Variants in EZH2 observed in about 807,000 individuals in gnomAD.
The protein encoded by EZH2 is histone-lysine N-methyltransferase EZH2.
Under a neutral mutation model 98.4 loss-of-function variants are expected in EZH2, and 18 were observed. The ratio of observed to expected loss-of-function variants is 0.18; its 90% confidence interval spans 0.13 to 0.27. The LOEUF (loss-of-function observed/expected upper bound fraction) is 0.27. Among genes scored for constraint, EZH2 ranks in the 10% least tolerant of loss-of-function variants. The pLI, the probability that EZH2 is intolerant of heterozygous loss-of-function variation, is 1.00. For synonymous variants in EZH2, 338 were observed against 312.3 expected, an observed-to-expected ratio of 1.08 and a Z score of -0.87; for missense variants, 470 against 935.1, an observed-to-expected ratio of 0.50 and a Z score of 6.49.
At chr7:148,811,752 AAAG>A in intron 15 of EZH2, 32 bp from the exon 16 acceptor site, 1 of 1,577,124 alleles carries the variant, frequency 6.3e-7, no homozygotes, top group African/African-American at 1.3e-5. Flanking sequence ...CATCATCAAA[AAAG>A]GAGGGTGAAA....
chr7:148,849,540 A>G (rs1815125813), intron 1 of EZH2, among the ~76,000 whole-genome samples: 1 of 152,218 alleles, frequency 6.6e-6, no homozygotes, highest in African/African-American at 2.4e-5. Flanking sequence ...TCCAAGTGAA[A>G]AGTTTCCAAG....
chr7:148,833,145 T>G (rs1809847878), intron 3 of EZH2, among the ~76,000 whole-genome samples: 1 of 152,144 alleles, frequency 6.6e-6, no homozygotes, highest in Non-Finnish European at 1.5e-5. Flanking sequence ...ATAAGCCACT[T>G]AAATCTTACT....
At chr7:148,816,605 A>G in intron 12 of EZH2, 79 bp downstream of exon 12, 2 of 1,051,514 alleles carry the variant, frequency 1.9e-6, no homozygotes, top group Non-Finnish European at 2.9e-6. Flanking sequence ...AGTAGAAACC[A>G]ACAACAGCCC....
intron 3 of EZH2, among the ~76,000 whole-genome samples, chr7:148,844,385 TCTAAAAGTC>T (rs1184466867): frequency 6.6e-6 from 1 of 152,166 alleles, no homozygotes; most frequent in Non-Finnish European, 1.5e-5. Context: ...AACTCTGGCT[TCTAAAAGTC>T]AGTGGTGATG....
intron 1 of EZH2, among the ~76,000 whole-genome samples, chr7:148,875,456 G>C (rs1820044211): frequency 6.6e-6 from 1 of 152,100 alleles, no homozygotes; most frequent in Non-Finnish European, 1.5e-5. Flanking sequence ...AGGGACAAAA[G>C]GCTTGAACCA....
intron 16 of EZH2, among the ~76,000 whole-genome samples, chr7:148,811,188 C>CCGGA (rs934775069): frequency 1.6e-4 from 24 of 152,308 alleles, no homozygotes; most frequent in African/African-American, 5.5e-4. Flanking sequence ...GTCGCCCAGG[C>CCGGA]CGGAGTGCAG....
At chr7:148,808,990 C>T in intron 19 of EZH2, 81 bp downstream of exon 19, 1 of 1,166,112 alleles carries the variant, frequency 8.6e-7, no homozygotes. Context: ...AAGCAAAGAA[C>T]TAAAAACCCT....
In EZH2 at chr7:148,813,945, G is replaced by A. The variant is rs754379655; in HGVS notation, c.1851+14C>T. On this transcript the variant is annotated intron_variant, in intron 15 of 19. Transcript: ENST00000320356. ...TAACTACAAACAATCTTCCAGAAGT[G>A]ACTTGTTGCTCACCTTTTTGGAGCC... is the stretch of plus-strand genomic sequence containing the variant. The A allele has an allele frequency of 1.2e-6, 2 of 1,606,712 alleles. No individual in the cohort carries two copies. The highest frequency in any genetic ancestry group is 2.7e-5 in the African/African-American group (2 of 74,616).
intron 3 of EZH2, among the ~76,000 whole-genome samples, chr7:148,838,525 A>T (rs941452833): frequency 3.9e-5 from 6 of 152,206 alleles, no homozygotes; most frequent in African/African-American, 1.4e-4. Flanking sequence ...TACATGAAGC[A>T]GGTAACAAGA....
chr7:148,811,726 G>C lies in EZH2; in HGVS notation c.1852-6C>G, dbSNP rs78589034. ...GATGGTGCCAGCAATAGATGCTAGA[G>C]AATAAAACACAATCACATCATCAAA... is the stretch of plus-strand genomic sequence containing the variant. On this transcript the variant is annotated splice_polypyrimidine_tract_variant and splice_region_variant and intron_variant, in intron 15 of 19. Transcript: ENST00000320356. The C allele has an allele frequency of 6.2e-7, 1 of 1,609,416 alleles. No homozygotes were observed. Among genetic ancestry groups the C allele is most frequent in the South Asian group, 1.1e-5 (1 of 91,036 alleles).
At chr7:148,830,368 G>A (rs1251623297) in intron 4 of EZH2, among the ~76,000 whole-genome samples, 5 of 152,002 alleles carry the variant, frequency 3.3e-5, no homozygotes, top group Non-Finnish European at 5.9e-5. Flanking sequence ...GTTAATAGAG[G>A]ATGATGAAAT....
At chr7:148,818,504 G>C (rs922987767) in intron 9 of EZH2, among the ~76,000 whole-genome samples, 8 of 152,150 alleles carry the variant, frequency 5.3e-5, no homozygotes, top group Non-Finnish European at 7.4e-5. Flanking sequence ...CTTTACAAAA[G>C]AATCATATAC....
At chr7:148,836,187 G>A (rs1402751908) in intron 3 of EZH2, among the ~76,000 whole-genome samples, 1 of 152,142 alleles carries the variant, frequency 6.6e-6, no homozygotes, top group Non-Finnish European at 1.5e-5. Context: ...AATGTTTCTG[G>A]AATGAACAGA....
At chr7:148,842,595 A>G in intron 3 of EZH2, among the ~76,000 whole-genome samples, 1 of 152,242 alleles carries the variant, frequency 6.6e-6, no homozygotes, top group East Asian at 1.9e-4. Context: ...TGCTTCTTTA[A>G]AAGATTAACT....
At chr7:148,869,424 C>T (rs1328424685) in intron 1 of EZH2, among the ~76,000 whole-genome samples, 1 of 144,656 alleles carries the variant, frequency 6.9e-6, no homozygotes, top group Non-Finnish European at 1.5e-5. Flanking sequence ...CGGCTCACTG[C>T]AGTCTCTACC....
chr7:148,860,612 T>A (rs1817525143), intron 1 of EZH2, among the ~76,000 whole-genome samples: 1 of 152,252 alleles, frequency 6.6e-6, no homozygotes, highest in East Asian at 1.9e-4. Flanking sequence ...ATATGTGTTA[T>A]AGCTATTAAC....
chr7:148,858,617 T>C (rs984444403), intron 1 of EZH2, among the ~76,000 whole-genome samples: 14 of 152,186 alleles, frequency 9.2e-5, no homozygotes, highest in African/African-American at 2.2e-4. Flanking sequence ...CTCAAATTCC[T>C]GGGCTCAGGC....
intron 8 of EZH2, among the ~76,000 whole-genome samples, chr7:148,820,058 A>T (rs1403214344): frequency 6.6e-6 from 1 of 152,230 alleles, no homozygotes; most frequent in African/African-American, 2.4e-5. Context: ...TCCTATTTTT[A>T]ATTCTGACAT....
intron 16 of EZH2, 88 bp from the exon 17 acceptor site, chr7:148,810,502 G>T: frequency 1.3e-6 from 1 of 792,938 alleles, no homozygotes; most frequent in East Asian, 2.5e-5. Flanking sequence ...GTGAATACTG[G>T]ACCTTCTGGA....
Sources: allele counts gnomAD v4.1 joint callset (sites outside exome capture counted in the v4.1 genomes callset), GRCh38; gene constraint gnomAD v4.1.1; transcripts MANE v1.5; gene names NCBI Gene and HGNC (gene_info 2026-07-23, HGNC 2026-07-21).